The following APAF1 variants were observed in gnomAD, a reference collection of about 807,000 sequenced individuals.
APAF1 encodes the protein apoptotic protease-activating factor 1.
Under a neutral mutation model 152.4 loss-of-function variants are expected in APAF1, and 91 were observed. The ratio of observed to expected loss-of-function variants is 0.60; its 90% CI spans 0.50 to 0.71. APAF1 has a LOEUF of 0.71. Ranked by LOEUF, APAF1 falls within the 30% of genes least tolerant of loss-of-function variation. The pLI is 0.00. For missense variants in APAF1, 1,283 were observed against 1,472.0 expected, an observed-to-expected ratio of 0.87 and a Z score of 2.10; for synonymous variants, 484 against 494.1, an observed-to-expected ratio of 0.98 and a Z score of 0.27.
chr12:98,692,151 C>A (rs1239741703), intron 16 of APAF1, among the ~76,000 whole-genome samples: 1 of 152,132 alleles, frequency 6.6e-6, no homozygotes, highest in African/African-American at 2.4e-5. Flanking sequence ...GGCGCGATCT[C>A]GGCTCACTGC....
intron 19 of APAF1, among the ~76,000 whole-genome samples, chr12:98,707,163 C>A (rs1359844894): frequency 3.3e-5 from 5 of 152,144 alleles, no homozygotes; most frequent in Admixed American, 3.3e-4. Context: ...CCCTTGTCTA[C>A]CAAAGTAAAT....
chr12:98,732,546 A>G lies in APAF1; in HGVS notation c.3727A>G (p.Ile1243Val). 2 of 1,569,626 alleles carry G rather than the reference A, an allele frequency of 1.3e-6. No homozygotes were observed. Among genetic ancestry groups the G allele is most frequent in the Non-Finnish European group, 1.8e-6 (2 of 1,139,700 alleles). Residue 1243 changes from isoleucine (I) to valine (V), a missense_variant, in exon 27 of 27, where the codon ATT becomes GTT. Ile to Val is a conservative substitution (Grantham distance 29). Transcript: ENST00000551964. ...VTVDNLGILY[I>V]LQTLE ...TGTGGATAATCTTGGTATTTTATATATTTTACAGACTTTAGAATAAAATAG... is the reference window on the plus strand; with the variant it reads ...TGTGGATAATCTTGGTATTTTATATGTTTTACAGACTTTAGAATAAAATAG...
intron 14 of APAF1, among the ~76,000 whole-genome samples, chr12:98,682,753 C>G (rs1186663802): frequency 1.3e-5 from 2 of 152,150 alleles, no homozygotes; most frequent in Non-Finnish European, 2.9e-5. Context: ...GGATTTGTGA[C>G]ACACAAGTCA....
chr12:98,731,497 CAA>C (rs1450590398), intron 26 of APAF1, among the ~76,000 whole-genome samples: 9 of 152,186 alleles, frequency 5.9e-5, no homozygotes, highest in Non-Finnish European at 1.3e-4. Flanking sequence ...TGGAAAATCC[CAA>C]GTTAGTGCAT....
At chr12:98,729,391 C>G (rs1332566213) in intron 26 of APAF1, among the ~76,000 whole-genome samples, 2 of 152,194 alleles carry the variant, frequency 1.3e-5, no homozygotes, top group Admixed American at 1.3e-4. Flanking sequence ...GTAAGGAGTG[C>G]ACAAGCTAGA....
At chr12:98,705,793 A>G (rs1209144827) in intron 18 of APAF1, among the ~76,000 whole-genome samples, 1 of 152,224 alleles carries the variant, frequency 6.6e-6, no homozygotes, top group South Asian at 2.1e-4. Flanking sequence ...AGATGACAGT[A>G]TTAGTGGAAA....
At chr12:98,702,077 T>A (rs1285924114) in intron 17 of APAF1, among the ~76,000 whole-genome samples, 1 of 152,178 alleles carries the variant, frequency 6.6e-6, no homozygotes, top group Non-Finnish European at 1.5e-5. Context: ...AACATTTTTT[T>A]TTTTTTGAGA....
chr12:98,669,875 C>A (rs1376919836), intron 10 of APAF1, among the ~76,000 whole-genome samples: 2 of 151,436 alleles, frequency 1.3e-5, no homozygotes, highest in Non-Finnish European at 2.9e-5. Flanking sequence ...CTCCTCCCTC[C>A]CTTCCCCTCC....
At chr12:98,680,925 A>AT (rs1200820663) in intron 14 of APAF1, among the ~76,000 whole-genome samples, 3 of 152,236 alleles carry the variant, frequency 2.0e-5, no homozygotes, top group Non-Finnish European at 1.5e-5. Context: ...GTAAGATACA[A>AT]TTTTAAAATG....
chr12:98,676,705 G>A (rs2097686933), intron 12 of APAF1, among the ~76,000 whole-genome samples: 1 of 148,286 alleles, frequency 6.7e-6, no homozygotes, highest in African/African-American at 2.5e-5. Flanking sequence ...GGAGTGCAGT[G>A]GCGCGATCTT....
intron 10 of APAF1, among the ~76,000 whole-genome samples, chr12:98,668,922 G>C (rs1343038082): frequency 6.6e-6 from 1 of 152,162 alleles, no homozygotes; most frequent in African/African-American, 2.4e-5. Flanking sequence ...CACATAGATG[G>C]TATTTGATTG....
At chr12:98,663,536 C>T (rs74747398) in intron 7 of APAF1, among the ~76,000 whole-genome samples, 12,798 of 152,028 alleles carry the variant, frequency 0.084, 724 homozygotes, top group East Asian at 0.25. Flanking sequence ...TTTTGTGTAC[C>T]TTTTATTTGT....
In APAF1 at chr12:98,732,640, T is replaced by C. The variant is rs993292310; in HGVS notation, c.*74T>C. 2.2e-5 allele frequency: 22 copies of C among 1,018,538 alleles called. No homozygotes were observed. The highest frequency in any genetic ancestry group is 2.4e-4 in the Middle Eastern group (1 of 4,186). 63.1% of individuals were successfully genotyped at this position (1,018,538 alleles called of 1,614,324 possible). Reference sequence around the variant, plus strand: ...AAAAAATTCTAATGAAACCCTGATATCAACTTTTTATAAAGCTCTTAATTG... The same window carrying C: ...AAAAAATTCTAATGAAACCCTGATACCAACTTTTTATAAAGCTCTTAATTG... On this transcript the variant is annotated 3_prime_UTR_variant, in exon 27 of 27. Transcript: ENST00000551964.
Position 98,733,064 on chromosome 12 carries a change from T to C in APAF1, c.*498T>C, listed in dbSNP as rs1275775833. On this transcript the variant is annotated 3_prime_UTR_variant, in exon 27 of 27. Transcript: ENST00000551964. The stretch of plus-strand genomic sequence containing the variant: ...AAATTTGCTTTAAAAATATTGTGTC[T>C]GTGTGCATAGTCTGCAGCATTTCCT... 6.2e-6 allele frequency: 1 copy of C among 161,000 alleles called. No homozygotes were observed. Among genetic ancestry groups the C allele is most frequent in the Non-Finnish European group, 1.3e-5 (1 of 74,272 alleles). 10.0% of individuals were successfully genotyped at this position (161,000 alleles called of 1,614,324 possible).
rs528232886 is a variant in APAF1 at position 98,709,310 on chromosome 12, TCTC to T, written c.2841+609_2841+611del. Among the ~76,000 whole-genome samples, 198 of 152,238 alleles carry T rather than the reference TCTC, an allele frequency of 1.3e-3. 1 individual carries two copies. The highest frequency in any genetic ancestry group is 2.2e-3 in the Admixed American group (34 of 15,296). On this transcript the variant is annotated intron_variant, in intron 20 of 26. Coordinates refer to ENST00000551964, the MANE Select transcript of APAF1 (RefSeq NM_181861.2). The stretch of plus-strand genomic sequence containing the variant: ...TCCAAACAGCACTACTCTAGTCTGT[TCTC>T]CTTCTGCCACCCAACAAAGAGTGGG...
Position 98,659,177 on chromosome 12 carries a change from G to A in APAF1, c.544G>A (p.Val182Met). The A allele has an allele frequency of 1.2e-6, 2 of 1,614,196 alleles. No homozygotes were observed. Among genetic ancestry groups the A allele is most frequent in the South Asian group, 2.2e-5 (2 of 91,092 alleles). The stretch of plus-strand genomic sequence containing the variant: ...CTCACTAGGTTGTTTCCCAGGGGGA[G>A]TGCATTGGGTTTCAGTTGGGAAACA... ...SLLEGCFPGG[V>M]HWVSVGKQDK... Residue 182 changes from valine to methionine, a missense_variant, in exon 5 of 27, where the codon GTG (valine) becomes ATG (methionine). Coordinates refer to ENST00000551964, the MANE Select transcript of APAF1 (RefSeq NM_181861.2).
chr12:98,699,651 T>C (rs2097713244), intron 17 of APAF1, 82 bp downstream of exon 17: 2 of 1,495,816 alleles, frequency 1.3e-6, no homozygotes, highest in Non-Finnish European at 1.8e-6. Context: ...ACAATGTTTA[T>C]TCATAAAAAT....
chr12:98,656,708 G>T lies in APAF1; in HGVS notation c.527-2452G>T, dbSNP rs558375256. On this transcript the variant is annotated intron_variant, in intron 4 of 26. Transcript: ENST00000551964. Reference sequence around the variant, plus strand: ...TCGCCGTCTTGCCTTATCTGAAACTGGGCAGTTTCCTGAGTTTACTACCTT... The same window carrying T: ...TCGCCGTCTTGCCTTATCTGAAACTTGGCAGTTTCCTGAGTTTACTACCTT... 1.8e-3 allele frequency among the ~76,000 whole-genome samples: 277 copies of T among 152,208 alleles called. 1 individual carries two copies. The highest frequency in any genetic ancestry group is 6.4e-3 in the African/African-American group (266 of 41,536).
intron 1 of APAF1, among the ~76,000 whole-genome samples, chr12:98,647,139 C>G (rs1427977077): frequency 6.6e-6 from 1 of 151,604 alleles, no homozygotes; most frequent in African/African-American, 2.4e-5. Flanking sequence ...AGAGGCCGGG[C>G]ATGGTGGGGC....
Sources: allele counts gnomAD v4.1 joint callset (sites outside exome capture counted in the v4.1 genomes callset), GRCh38; gene constraint gnomAD v4.1.1; transcripts MANE v1.5; gene names NCBI Gene and HGNC (gene_info 2026-07-23, HGNC 2026-07-21).